The following MTA1 variants were observed in gnomAD, a reference collection of about 807,000 sequenced individuals.
MTA1 encodes the protein metastasis associated 1.
In MTA1, 15 loss-of-function variants were observed where a neutral mutation model predicts 97.0. That is an observed-to-expected ratio of 0.15 (90% CI 0.10 to 0.24). The LOEUF (loss-of-function observed/expected upper bound fraction) is 0.24, where lower values mean the gene tolerates loss of function less well. MTA1 is among the 10% of genes least tolerant of loss of function. The pLI is 1.00. For synonymous variants in MTA1, 435 were observed against 417.5 expected, an observed-to-expected ratio of 1.04 and a Z score of -0.51; for missense variants, 709 against 1,015.1, an observed-to-expected ratio of 0.70 and a Z score of 4.10.
intron 2 of MTA1, among the ~76,000 whole-genome samples, chr14:105,439,484 G>T (rs1266834842): frequency 6.6e-6 from 1 of 152,200 alleles, no homozygotes; most frequent in Non-Finnish European, 1.5e-5. Context: ...CCATCAGCTC[G>T]GGAGACAGAG....
In MTA1 at chr14:105,460,470, A is replaced by G; in HGVS notation, c.753+13A>G. ...AGACATCACCCTGGTAAGTGGGCCC[A>G]GGGCGGGACAGGTGAGACCTGGGGT... On this transcript the variant is annotated intron_variant, in intron 9 of 20. Coordinates refer to ENST00000331320, the MANE Select transcript of MTA1 (RefSeq NM_004689.4). The G allele has an allele frequency of 2.5e-6, 4 of 1,598,240 alleles. No homozygotes were observed. Among genetic ancestry groups the G allele is most frequent in the East Asian group, 2.2e-5 (1 of 44,466 alleles).
chr14:105,467,374 C>CATTCTTA (rs1387228889), intron 18 of MTA1: 4 of 454,820 alleles, frequency 8.8e-6, no homozygotes, highest in Non-Finnish European at 1.8e-5. Flanking sequence ...AGGCGGCTTT[C>CATTCTTA]ACTGACGGTG....
intron 1 of MTA1, among the ~76,000 whole-genome samples, chr14:105,427,350 C>T (rs1278904251): frequency 6.6e-6 from 1 of 152,132 alleles, no homozygotes; most frequent in African/African-American, 2.4e-5. Flanking sequence ...ATGCTTCTTG[C>T]ATTTGGGGGC....
At chr14:105,445,533 G>A (rs1191436872) in intron 3 of MTA1, 22 bp downstream of exon 3, 2 of 1,612,246 alleles carry the variant, frequency 1.2e-6, no homozygotes, top group Non-Finnish European at 1.7e-6. Flanking sequence ...CTTCCCTGGG[G>A]TGCCCGCCTG....
At position 105,470,235 on chromosome 14, in the gene MTA1, C is replaced by T; in HGVS notation, c.*20C>T. On this transcript the variant is annotated 3_prime_UTR_variant, in exon 21 of 21. Coordinates refer to ENST00000331320, the MANE Select transcript of MTA1 (RefSeq NM_004689.4). ...GACTAGGGGCCGCCCCCACCTGCGG[C>T]CGCCCCCCGCCCCTCGCCCGCCCAC... 2 of 1,455,978 alleles carry T rather than the reference C, an allele frequency of 1.4e-6. No individual in the cohort carries two copies. Among genetic ancestry groups the T allele is most frequent in the South Asian group, 1.3e-5 (1 of 75,654 alleles). 90.2% of individuals were successfully genotyped at this position (1,455,978 alleles called of 1,614,324 possible). A position where few individuals can be genotyped will look rare whatever the true frequency, so the allele number is the denominator to read the frequency against.
intron 2 of MTA1, 63 bp downstream of exon 2, chr14:105,438,802 C>A (rs2082407353): frequency 2.6e-6 from 4 of 1,566,804 alleles, no homozygotes; most frequent in Admixed American, 3.3e-5. Context: ...CAGCTCCTGC[C>A]CTGTGGGTGG....
intron 19 of MTA1, 64 bp from the exon 20 acceptor site, chr14:105,469,777 G>C: frequency 2.1e-6 from 1 of 465,470 alleles, no homozygotes; most frequent in Non-Finnish European, 3.5e-6. Context: ...CCCAGCGGGA[G>C]CCCTGCAGGT....
chr14:105,445,740 C>G (rs1555427006), intron 3 of MTA1: 1 of 652,910 alleles, frequency 1.5e-6, no homozygotes, highest in East Asian at 3.1e-5. Context: ...CCGGAGTGGT[C>G]TGTCTCTCAC....
chr14:105,469,100 G>A, intron 18 of MTA1: 1 of 493,998 alleles, frequency 2.0e-6, no homozygotes, highest in South Asian at 1.5e-5. Flanking sequence ...GCCCTGCAGA[G>A]GGGCTTGTGC....
At position 105,466,427 on chromosome 14, in the gene MTA1, G is replaced by GTGC; in HGVS notation, c.1626_1627insTGC (p.Glu542_Thr543insCys). On this transcript the variant is annotated inframe_insertion and splice_region_variant, in exon 17 of 21. Coordinates refer to ENST00000331320, the MANE Select transcript of MTA1 (RefSeq NM_004689.4). ...TTCTGCCTGTGTCATTCCCGGCAGA[G>GTGC]ACCCACCCCCGCCCCCCCAAGCCTG... is the stretch of plus-strand genomic sequence containing the variant. 2 of 1,592,102 alleles carry GTGC rather than the reference G, an allele frequency of 1.3e-6. No individual in the cohort carries two copies. Among genetic ancestry groups the GTGC allele is most frequent in the Non-Finnish European group, 1.7e-6 (2 of 1,165,318 alleles).
rs1464191066 is a variant in MTA1 at position 105,419,977 on chromosome 14, G to A, written c.-59G>A. ...CCCGCCATCGCGCCTCCATTTTCCC[G>A]GCCGCCCGCGCCGAGCGCCGCGCCC... On this transcript the variant is annotated 5_prime_UTR_variant, in exon 1 of 21. Transcript: ENST00000331320. 7 of 878,062 alleles carry A rather than the reference G, an allele frequency of 8.0e-6. No homozygotes were observed. In the African/African-American group the frequency reaches 1.1e-4, roughly 14 times the overall value. 54.4% of individuals were successfully genotyped at this position (878,062 alleles called of 1,614,324 possible). A position where few individuals can be genotyped will look rare whatever the true frequency, so the allele number is the denominator to read the frequency against.
Position 105,419,856 on chromosome 14 carries a change from T to A in MTA1, c.-180T>A, listed in dbSNP as rs1330336596. 6.9e-6 allele frequency: 1 copy of A among 144,624 alleles called. No homozygotes were observed. Among genetic ancestry groups the A allele is most frequent in the Non-Finnish European group, 1.4e-5 (1 of 72,694 alleles). 9.0% of individuals were successfully genotyped at this position (144,624 alleles called of 1,614,324 possible). On this transcript the variant is annotated 5_prime_UTR_variant, in exon 1 of 21. Transcript: ENST00000331320. ...TCCTCTCCCGCCCGCGCCGCGGCCC[T>A]CCCGTCCCTGCGCGGCCTCGGCGGC...
At chr14:105,453,208 C>T (rs956595249) in intron 6 of MTA1, among the ~76,000 whole-genome samples, 7 of 152,284 alleles carry the variant, frequency 4.6e-5, no homozygotes, top group Admixed American at 2.6e-4. Context: ...GCCTGCTGCG[C>T]GGGTGGCGGC....
At chr14:105,466,173 G>C (rs899262042) in intron 16 of MTA1, 2 of 555,052 alleles carry the variant, frequency 3.6e-6, no homozygotes, top group African/African-American at 3.8e-5. Context: ...CCCCCGCCAG[G>C]TGGTCTCCCT....
chr14:105,466,621 G>A (rs781987733), intron 17 of MTA1, 43 bp downstream of exon 17: 15 of 1,571,070 alleles, frequency 9.5e-6, no homozygotes, highest in Admixed American at 7.2e-5. Flanking sequence ...CTCCCCGCCC[G>A]GTGAGTCCGG....
At chr14:105,466,882 C>G in intron 18 of MTA1, 140 bp downstream of exon 18, 1 of 822,578 alleles carries the variant, frequency 1.2e-6, no homozygotes, top group Non-Finnish European at 1.9e-6. Flanking sequence ...GCCCAGTTCC[C>G]CACATTCCTC....
chr14:105,443,690 T>C lies in MTA1; in HGVS notation c.97-1728T>C, dbSNP rs137952011. ...GGCCAGGTGCCTTGGCTTACTCCTG[T>C]AATCCTAGCACTCTGGGAGGCCAAG... On this transcript the variant is annotated intron_variant, in intron 2 of 20. Coordinates refer to ENST00000331320, the MANE Select transcript of MTA1 (RefSeq NM_004689.4). Among the ~76,000 whole-genome samples, 805 of 152,330 alleles carry C rather than the reference T, an allele frequency of 5.3e-3. 9 individuals carry two copies. Among genetic ancestry groups the C allele is most frequent in the African/African-American group, 0.018 (752 of 41,580 alleles).
chr14:105,468,769 C>A (rs2083702306), intron 18 of MTA1, among the ~76,000 whole-genome samples: 1 of 152,198 alleles, frequency 6.6e-6, no homozygotes, highest in African/African-American at 2.4e-5. Context: ...CCCACATGCA[C>A]ACGCCCACAC....
At chr14:105,453,889 G>A (rs1234699126) in intron 6 of MTA1, among the ~76,000 whole-genome samples, 4 of 152,260 alleles carry the variant, frequency 2.6e-5, no homozygotes, top group Non-Finnish European at 2.9e-5. Context: ...GGCTTGTGGA[G>A]CCTGGCCCCA....
Sources: allele counts gnomAD v4.1 joint callset (sites outside exome capture counted in the v4.1 genomes callset), GRCh38; gene constraint gnomAD v4.1.1; transcripts MANE v1.5; gene names NCBI Gene and HGNC (gene_info 2026-07-23, HGNC 2026-07-21).